ZNF367: variants seen among roughly 807,000 people sequenced by gnomAD.
ZNF367 encodes zinc finger protein 367, also known as C2H2 zinc finger protein ZFF29.
ZNF367 carries 11 observed loss-of-function variants against 31.8 expected under a neutral mutation model. The ratio of observed to expected loss-of-function variants is 0.35; its 90% CI spans 0.22 to 0.57. The LOEUF (loss-of-function observed/expected upper bound fraction) is 0.57, where lower values mean the gene tolerates loss of function less well. Among genes scored for constraint, ZNF367 ranks in the 20% least tolerant of loss-of-function variants. ZNF367 has a pLI of 0.85. For missense variants in ZNF367, 353 were observed against 484.1 expected (o/e 0.73, Z 2.54); for synonymous variants, 199 against 202.4 (o/e 0.98, Z 0.14).
At chr9:96,391,622 G>A (rs142002317) in intron 4 of ZNF367, among the ~76,000 whole-genome samples, 201 of 152,330 alleles carry the variant, frequency 1.3e-3, no homozygotes, top group African/African-American at 4.3e-3. Flanking sequence ...CTGCTGGCTC[G>A]TGTACAGCAG....
intron 2 of ZNF367, 127 bp from the exon 3 acceptor site, chr9:96,395,069 C>A (rs1318879701): frequency 1.1e-5 from 11 of 1,009,672 alleles, no homozygotes; most frequent in Non-Finnish European, 1.6e-5. Context: ...ATGGCCCCTA[C>A]TGAGCTGCAG....
chr9:96,396,946 C>T (rs1294771415), intron 2 of ZNF367, among the ~76,000 whole-genome samples: 2 of 152,148 alleles, frequency 1.3e-5, no homozygotes, highest in Admixed American at 1.3e-4. Flanking sequence ...GGATTACAGG[C>T]GTCAGCCACC....
chr9:96,415,046 C>T (rs1831800065), intron 1 of ZNF367, among the ~76,000 whole-genome samples: 1 of 151,454 alleles, frequency 6.6e-6, no homozygotes, highest in Non-Finnish European at 1.5e-5. Context: ...CTAGGATACC[C>T]ATCCAAATTT....
At position 96,417,687 on chromosome 9, in the gene ZNF367, C is replaced by A. The variant is rs1294260739; in HGVS notation, c.346G>T (p.Ala116Ser). 1.5e-5 allele frequency: 17 copies of A among 1,132,880 alleles called. No individual in the cohort carries two copies. The highest frequency in any genetic ancestry group is 1.9e-5 in the Non-Finnish European group (17 of 906,854). 70.2% of individuals were successfully genotyped at this position (1,132,880 alleles called of 1,614,324 possible). Residue 116 changes from alanine (A) to serine (S), a missense_variant, in exon 1 of 5, where the codon GCC (alanine) becomes TCC (serine). Ala to Ser is a moderately conservative substitution (Grantham distance 99). Coordinates refer to ENST00000375256, the MANE Select transcript of ZNF367 (RefSeq NM_153695.4). The surrounding 1 kb of genome is among the most constrained non-coding windows in gnomAD (Gnocchi z 5.0). Reference sequence around the variant, plus strand: ...CCCGAGGCGGCGGCGGAGGCCGAGGCGGCGGGCGGGGGCGCGCCCCGGCCA... The same window carrying A: ...CCCGAGGCGGCGGCGGAGGCCGAGGAGGCGGGCGGGGGCGCGCCCCGGCCA... ...LRGRGAPPPA[A>S]SASAAASGGE...
In ZNF367 at chr9:96,386,496, CTA is replaced by C. The variant is rs1831410376; in HGVS notation, c.*1739_*1740del. The C allele has an allele frequency of 6.6e-6, 1 of 151,948 alleles. No homozygotes were observed. The highest frequency in any genetic ancestry group is 2.1e-4 in the South Asian group (1 of 4,826). 9.4% of individuals were successfully genotyped at this position (151,948 alleles called of 1,614,324 possible). A position where few individuals can be genotyped will look rare whatever the true frequency, so the allele number is the denominator to read the frequency against. ...AACATAAACCAAGATAATTCAGATGCTATAGTCTCTCTTACCAGCTTATAAGT... is the reference window on the plus strand; with the variant it reads ...AACATAAACCAAGATAATTCAGATGCTAGTCTCTCTTACCAGCTTATAAGT... On this transcript the variant is annotated 3_prime_UTR_variant, in exon 5 of 5. Transcript: ENST00000375256.
At chr9:96,403,142 G>T (rs867043641) in intron 1 of ZNF367, among the ~76,000 whole-genome samples, 39 of 151,934 alleles carry the variant, frequency 2.6e-4, no homozygotes, top group Admixed American at 2.6e-3. Context: ...GATAATTTTT[G>T]TATTTTTAGT....
rs761812629 is a variant in ZNF367 at position 96,388,291 on chromosome 9, T to C, written c.999A>G (p.Gly333=). 1.6e-5 allele frequency: 26 copies of C among 1,612,086 alleles called. No individual in the cohort carries two copies. In the South Asian group the frequency reaches 2.7e-4, roughly 17 times the overall value. ...RLQEQRERLH[G]ALALIELANL... Reference sequence around the variant, plus strand: ...TGGCAAGCTCTATGAGCGCGAGGGCTCCATGCAGGCGCTCCCGCTGCTCCT... The same window carrying C: ...TGGCAAGCTCTATGAGCGCGAGGGCCCCATGCAGGCGCTCCCGCTGCTCCT... The change falls in exon 5 of 5, where the codon GGA becomes GGG. Residue 333 remains glycine (G), a synonymous_variant. Coordinates refer to ENST00000375256, the MANE Select transcript of ZNF367 (RefSeq NM_153695.4).
rs1831423793 is a variant in ZNF367, at chr9:96,387,889, A to G, written c.*348T>C. On this transcript the variant is annotated 3_prime_UTR_variant, in exon 5 of 5. Transcript: ENST00000375256. The stretch of plus-strand genomic sequence containing the variant: ...TTAATCTTCTTTGGCTATTTGTACC[A>G]TTCTGTTTTTCAAACAAGTGTCTTA... The G allele has an allele frequency of 4.4e-6, 1 of 228,422 alleles. No homozygotes were observed. Among genetic ancestry groups the G allele is most frequent in the African/African-American group, 2.3e-5 (1 of 44,210 alleles). 14.1% of individuals were successfully genotyped at this position (228,422 alleles called of 1,614,324 possible). A position where few individuals can be genotyped will look rare whatever the true frequency, so the allele number is the denominator to read the frequency against.
At chr9:96,393,530 A>AAAATAAAT (rs756965719) in intron 3 of ZNF367, among the ~76,000 whole-genome samples, 5 of 150,726 alleles carry the variant, frequency 3.3e-5, no homozygotes, top group Admixed American at 1.3e-4. Context: ...AAAACAATAA[A>AAAATAAAT]AAATAAATAA....
At position 96,388,357 on chromosome 9, in the gene ZNF367, A is replaced by C. The variant is rs961972251; in HGVS notation, c.933T>G (p.Asp311Glu). ...CCCCTCTCTTCTCGTCGTCCTCTTC[A>C]TCAGACTGAAGGTATTCCAGAGGGT... ...QQDPLEYLQS[D>E]EEDDEKRGAQ... The change falls in exon 5 of 5, where the codon GAT (aspartate) becomes GAG (glutamate). Residue 311 changes from aspartate (D) to glutamate (E), a missense_variant. Coordinates refer to ENST00000375256, the MANE Select transcript of ZNF367 (RefSeq NM_153695.4). 3.1e-6 allele frequency: 5 copies of C among 1,613,600 alleles called. No homozygotes were observed. Among genetic ancestry groups the C allele is most frequent in the African/African-American group, 2.7e-5 (2 of 74,932 alleles).
chr9:96,394,749 A>G, intron 3 of ZNF367, 74 bp downstream of exon 3: 5 of 1,410,336 alleles, frequency 3.5e-6, no homozygotes, highest in Non-Finnish European at 4.7e-6. Context: ...CCCCTCAAAA[A>G]AATTCAAGGA....
At chr9:96,413,381 T>G (rs1401590800) in intron 1 of ZNF367, among the ~76,000 whole-genome samples, 3 of 152,316 alleles carry the variant, frequency 2.0e-5, no homozygotes, top group Non-Finnish European at 4.4e-5. Flanking sequence ...TCATAAATAC[T>G]ATGAATTTAT....
chr9:96,411,654 A>G (rs570480355), intron 1 of ZNF367, among the ~76,000 whole-genome samples: 2 of 152,346 alleles, frequency 1.3e-5, no homozygotes, highest in Admixed American at 1.3e-4. Context: ...CATAAAAAAA[A>G]AAGTTAACCA....
At chr9:96,408,744 T>C (rs1346498680) in intron 1 of ZNF367, among the ~76,000 whole-genome samples, 2 of 152,168 alleles carry the variant, frequency 1.3e-5, no homozygotes, top group African/African-American at 4.8e-5. Context: ...ATGGTTAAGG[T>C]AGAAAATATT....
intron 1 of ZNF367, among the ~76,000 whole-genome samples, chr9:96,416,100 T>C (rs1399378606): frequency 2.7e-5 from 4 of 150,040 alleles, no homozygotes; most frequent in Non-Finnish European, 5.9e-5. Context: ...TTTTTTTTTT[T>C]TTTTTGAGAC....
intron 1 of ZNF367, among the ~76,000 whole-genome samples, chr9:96,402,973 C>T (rs554681687): frequency 3.4e-5 from 5 of 145,938 alleles, no homozygotes; most frequent in African/African-American, 7.8e-5. Flanking sequence ...TTAAACAACA[C>T]ACTTTTTTTT....
Position 96,418,310 on chromosome 9 carries a change from G to A in ZNF367, c.-278C>T, listed in dbSNP as rs1337974888. On this transcript the variant is annotated 5_prime_UTR_variant, in exon 1 of 5. Transcript: ENST00000375256. ...AGCAGCGGGCGGCCCGGCCCTTGCGGTGACAGGAAAGCAGGACGCGCGGCG... is the reference window on the plus strand; with the variant it reads ...AGCAGCGGGCGGCCCGGCCCTTGCGATGACAGGAAAGCAGGACGCGCGGCG... 3 of 402,298 alleles carry A rather than the reference G, an allele frequency of 7.5e-6. No individual in the cohort carries two copies. Among genetic ancestry groups the A allele is most frequent in the Non-Finnish European group, 1.3e-5 (3 of 233,636 alleles). The allele number at this position is 402,298 out of a possible 1,614,324, so 24.9% of individuals were successfully genotyped here. A position where few individuals can be genotyped will look rare whatever the true frequency, so the allele number is the denominator to read the frequency against.
chr9:96,396,855 T>TG (rs1244072558), intron 2 of ZNF367, among the ~76,000 whole-genome samples: 2 of 152,058 alleles, frequency 1.3e-5, no homozygotes, highest in Non-Finnish European at 2.9e-5. Context: ...TTAGTAGAGA[T>TG]GGGGTCTCTC....
At chr9:96,406,683 A>G (rs1831674540) in intron 1 of ZNF367, among the ~76,000 whole-genome samples, 1 of 152,248 alleles carries the variant, frequency 6.6e-6, no homozygotes, top group South Asian at 2.1e-4. Flanking sequence ...CTCATTAGCC[A>G]TTACAGTTAA....
Sources: gnomAD v4.1 joint callset for allele counts (sites outside exome capture counted in the v4.1 genomes callset) on GRCh38, gnomAD v4.1.1 for gene constraint, Gnocchi (gnomAD v3.1) non-coding constraint, MANE v1.5 for transcripts, NCBI Gene and HGNC (gene_info 2026-07-23, HGNC 2026-07-21) for gene names.